PARM1: variants seen among roughly 807,000 people sequenced by gnomAD.
PARM1 encodes prostate androgen-regulated mucin-like protein 1.
Under a neutral mutation model 24.6 loss-of-function variants are expected in PARM1, and 14 were observed. The ratio of observed to expected loss-of-function variants is 0.57; its 90% CI spans 0.38 to 0.89. PARM1 has a LOEUF of 0.89. Among genes scored for constraint, PARM1 ranks in the 40% least tolerant of loss-of-function variants. The pLI is 0.00. For synonymous variants in PARM1, 179 were observed against 156.6 expected (o/e 1.14, Z -1.07); for missense variants, 362 against 380.4 (o/e 0.95, Z 0.40).
intron 1 of PARM1, chr4:74,955,915 C>T (rs1721620724): frequency 6.6e-6 from 1 of 152,136 alleles, no homozygotes; most frequent in Non-Finnish European, 1.5e-5. Flanking sequence ...TTGGAAGCTA[C>T]TTATGTTTGC....
intron 3 of PARM1, among the ~76,000 whole-genome samples, chr4:75,039,989 A>T (rs1416779447): frequency 6.6e-6 from 1 of 152,036 alleles, no homozygotes; most frequent in Non-Finnish European, 1.5e-5. Context: ...CTTCCCTCAT[A>T]CCATGTGCTT....
At chr4:75,032,289 A>C (rs963632000) in intron 2 of PARM1, among the ~76,000 whole-genome samples, 1 of 152,100 alleles carries the variant, frequency 6.6e-6, no homozygotes, top group Non-Finnish European at 1.5e-5. Flanking sequence ...TCTTTTAGAA[A>C]TTATAACCAG....
At chr4:74,983,361 C>G (rs570015228) in intron 1 of PARM1, among the ~76,000 whole-genome samples, 1 of 152,282 alleles carries the variant, frequency 6.6e-6, no homozygotes, top group South Asian at 2.1e-4. Flanking sequence ...GCTTTTCTGA[C>G]TCAGGAGACA....
intron 1 of PARM1, among the ~76,000 whole-genome samples, chr4:74,963,015 A>T: frequency 6.6e-6 from 1 of 152,104 alleles, no homozygotes; most frequent in East Asian, 1.9e-4. Context: ...GTCTCACAAG[A>T]TCTGATGGTT....
intron 1 of PARM1, among the ~76,000 whole-genome samples, chr4:74,968,157 T>C (rs1721944279): frequency 6.6e-6 from 1 of 152,232 alleles, no homozygotes; most frequent in African/African-American, 2.4e-5. Context: ...AGTTTATTTA[T>C]AGAACTTGAT....
chr4:74,987,490 A>G (rs750184988), intron 1 of PARM1, among the ~76,000 whole-genome samples: 3 of 152,232 alleles, frequency 2.0e-5, no homozygotes, highest in Non-Finnish European at 4.4e-5. Flanking sequence ...CCTATTCTAA[A>G]TGGTATCTAA....
intron 1 of PARM1, among the ~76,000 whole-genome samples, chr4:74,989,038 G>A (rs1290885224): frequency 6.6e-6 from 1 of 152,114 alleles, no homozygotes; most frequent in Non-Finnish European, 1.5e-5. Flanking sequence ...GGCGTCCAAG[G>A]ATAGAGAGGA....
At chr4:74,997,640 C>T (rs1722599811) in intron 1 of PARM1, 1 of 152,030 alleles carries the variant, frequency 6.6e-6, no homozygotes, top group African/African-American at 2.4e-5. Context: ...ATGTAAAGCC[C>T]AAAAGACAGA....
chr4:75,032,518 A>G (rs1723293231), intron 2 of PARM1, among the ~76,000 whole-genome samples: 1 of 152,204 alleles, frequency 6.6e-6, no homozygotes, highest in Admixed American at 6.5e-5. Flanking sequence ...TAAATCTCCA[A>G]AAATATGGGG....
intron 1 of PARM1, among the ~76,000 whole-genome samples, chr4:74,951,121 C>T (rs1721513783): frequency 6.6e-6 from 1 of 152,216 alleles, no homozygotes; most frequent in Non-Finnish European, 1.5e-5. Flanking sequence ...ACTCAGCCAG[C>T]CTGCGGCTGT....
At chr4:74,952,866 A>G (rs1721553076) in intron 1 of PARM1, among the ~76,000 whole-genome samples, 1 of 152,244 alleles carries the variant, frequency 6.6e-6, no homozygotes, top group South Asian at 2.1e-4. Context: ...AGTGATATAT[A>G]TGTTTTCCTC....
At chr4:74,963,366 AC>A (rs1214150259) in intron 1 of PARM1, among the ~76,000 whole-genome samples, 5 of 152,244 alleles carry the variant, frequency 3.3e-5, no homozygotes, top group African/African-American at 1.2e-4. Flanking sequence ...AATGTTCTTA[AC>A]GGCATTATTC....
At position 74,945,816 on chromosome 4, in the gene PARM1, A is replaced by G. The variant is rs149625360; in HGVS notation, c.43+12446A>G. ...TTTATTTTTCTTTTGGCAACATTAA[A>G]TTTCTTATATAATCTTTTCAACAAA... On this transcript the variant is annotated intron_variant, in intron 1 of 3. Transcript: ENST00000307428. Among the ~76,000 whole-genome samples the G allele has an allele frequency of 6.2e-4, 94 of 152,336 alleles. 1 individual carries two copies. Among genetic ancestry groups the G allele is most frequent in the African/African-American group, 2.2e-3 (92 of 41,578 alleles).
chr4:74,953,786 C>T (rs1248182089), intron 1 of PARM1, among the ~76,000 whole-genome samples: 1 of 152,156 alleles, frequency 6.6e-6, no homozygotes, highest in Non-Finnish European at 1.5e-5. Flanking sequence ...CCCACCACCA[C>T]CGACATCTGA....
chr4:75,004,535 G>A (rs1448834412), intron 1 of PARM1, among the ~76,000 whole-genome samples: 1 of 152,196 alleles, frequency 6.6e-6, no homozygotes, highest in Non-Finnish European at 1.5e-5. Context: ...CAAAGGCAGG[G>A]AGGCAGATGG....
rs140054006 is a variant in PARM1 at position 74,945,396 on chromosome 4, G to T, written c.43+12026G>T. Reference sequence around the variant, plus strand: ...ATGTGGCTATAGTGACTGCTAGATGGCTATTTTGATCTTAAAAATCTTGAT... The same window carrying T: ...ATGTGGCTATAGTGACTGCTAGATGTCTATTTTGATCTTAAAAATCTTGAT... On this transcript the variant is annotated intron_variant, in intron 1 of 3. Transcript: ENST00000307428. Among the ~76,000 whole-genome samples the T allele has an allele frequency of 7.2e-3, 1,098 of 152,228 alleles. 6 individuals carry two copies. Among genetic ancestry groups the T allele is most frequent in the Non-Finnish European group, 9.8e-3 (667 of 68,014 alleles).
intron 1 of PARM1, chr4:74,997,609 T>C (rs536528794): frequency 6.6e-5 from 10 of 152,154 alleles, no homozygotes; most frequent in Non-Finnish European, 1.5e-4. Context: ...AATCCAGATA[T>C]GTTAGACTTA....
chr4:74,945,775 T>G (rs903716677), intron 1 of PARM1, among the ~76,000 whole-genome samples: 5 of 152,238 alleles, frequency 3.3e-5, no homozygotes, highest in African/African-American at 9.6e-5. Flanking sequence ...AAAACAGCCC[T>G]CAGAAGAATA....
intron 1 of PARM1, among the ~76,000 whole-genome samples, chr4:74,961,680 C>T (rs530434907): frequency 7.2e-4 from 110 of 152,242 alleles, no homozygotes; most frequent in Non-Finnish European, 1.3e-3. Context: ...TGAAAGAAAA[C>T]ACACAAACAA....
Sources: allele counts gnomAD v4.1 joint callset (sites outside exome capture counted in the v4.1 genomes callset), GRCh38; gene constraint gnomAD v4.1.1; transcripts MANE v1.5; gene names NCBI Gene and HGNC (gene_info 2026-07-23, HGNC 2026-07-21).